Variants in TUSC3 observed in about 807,000 individuals in gnomAD.
TUSC3 encodes the protein tumor suppressor candidate 3, also known as dolichyl-diphosphooligosaccharide--protein glycosyltransferase subunit TUSC3.
Under a neutral mutation model 44.8 loss-of-function variants are expected in TUSC3, and 45 were observed. That is an observed-to-expected ratio of 1.00 (90% CI 0.79 to 1.29). The LOEUF is 1.29. Among genes scored for constraint, TUSC3 ranks in the 50% most tolerant of loss-of-function variants. TUSC3 has a pLI of 0.00. For synonymous variants in TUSC3, 212 were observed against 152.9 expected (o/e 1.39, Z -2.85); for missense variants, 519 against 437.9 (o/e 1.19, Z -1.65).
intron 1 of TUSC3, among the ~76,000 whole-genome samples, chr8:15,422,218 T>G (rs1799746573): frequency 6.6e-6 from 1 of 152,240 alleles, no homozygotes; most frequent in Non-Finnish European, 1.5e-5. Flanking sequence ...CATGTTACTA[T>G]TCTTGTGTGA....
chr8:15,717,508 A>T (rs1810102003), intron 6 of TUSC3, among the ~76,000 whole-genome samples: 1 of 152,078 alleles, frequency 6.6e-6, no homozygotes, highest in Non-Finnish European at 1.5e-5. Flanking sequence ...TCAGATAAAC[A>T]GTTTTGCTTT....
At chr8:15,607,580 G>A (rs1424999266) in intron 1 of TUSC3, among the ~76,000 whole-genome samples, 2 of 152,060 alleles carry the variant, frequency 1.3e-5, no homozygotes, top group Admixed American at 1.3e-4. Context: ...AAAACATAAA[G>A]GTAAGCTGAG....
At chr8:15,534,921 G>C (rs993103778) in intron 2 of TUSC3, among the ~76,000 whole-genome samples, 1 of 152,096 alleles carries the variant, frequency 6.6e-6, no homozygotes, top group African/African-American at 2.4e-5. Flanking sequence ...AAGTATGGCC[G>C]CTGGGATTGG....
At chr8:15,797,242 A>G in the TUSC3 span, among the ~76,000 whole-genome samples, 1 of 152,224 alleles carries the variant, frequency 6.6e-6, no homozygotes, top group Non-Finnish European at 1.5e-5. Flanking sequence ...GGCCCTATGC[A>G]AATTATGATT....
chr8:15,592,406 G>A (rs759839581), intron 1 of TUSC3, among the ~76,000 whole-genome samples: 11 of 152,254 alleles, frequency 7.2e-5, no homozygotes, highest in Non-Finnish European at 1.0e-4. Flanking sequence ...TGTTGGAGGT[G>A]GCACCTGGTG....
At chr8:15,632,228 TAAAC>T (rs771399238) in intron 2 of TUSC3, among the ~76,000 whole-genome samples, 2 of 152,166 alleles carry the variant, frequency 1.3e-5, no homozygotes, top group Non-Finnish European at 2.9e-5. Flanking sequence ...TTTCCACACT[TAAAC>T]AAGAAAGTAT....
intron 2 of TUSC3, among the ~76,000 whole-genome samples, chr8:15,635,259 C>G (rs184430419): frequency 6.6e-6 from 1 of 152,300 alleles, no homozygotes; most frequent in African/African-American, 2.4e-5. Flanking sequence ...AAGAGATGAA[C>G]TCTTTCTTGG....
In TUSC3 at chr8:15,540,319, T is replaced by C. The variant is rs1801635013; in HGVS notation, c.-112T>C. 7.4e-7 allele frequency: 1 copy of C among 1,349,872 alleles called. No homozygotes were observed. The highest frequency in any genetic ancestry group is 9.5e-7 in the Non-Finnish European group (1 of 1,048,760). 83.6% of individuals were successfully genotyped at this position (1,349,872 alleles called of 1,614,324 possible). A position where few individuals can be genotyped will look rare whatever the true frequency, so the allele number is the denominator to read the frequency against. ...CGGGTCCCTCGCAAAGCCGCTGCCA[T>C]CCCGGAGGGCCCAGCCAGCGGGCTC... On this transcript the variant is annotated 5_prime_UTR_variant, in exon 1 of 11. Coordinates refer to ENST00000503731, the MANE Select transcript of TUSC3 (RefSeq NM_006765.4).
intron 2 of TUSC3, among the ~76,000 whole-genome samples, chr8:15,634,178 T>C (rs914098523): frequency 6.6e-6 from 1 of 152,174 alleles, no homozygotes; most frequent in Non-Finnish European, 1.5e-5. Context: ...GGAGTGTATG[T>C]AGTGCCCCTG....
chr8:15,836,499 T>C, the TUSC3 span, among the ~76,000 whole-genome samples: 3 of 151,096 alleles, frequency 2.0e-5, no homozygotes, highest in Non-Finnish European at 2.9e-5. Context: ...AAAATTAATA[T>C]AAGATTGGTA....
At chr8:15,673,678 G>C in intron 5 of TUSC3, 69 bp from the exon 6 acceptor site, 1 of 1,265,496 alleles carries the variant, frequency 7.9e-7, no homozygotes, top group South Asian at 1.2e-5. Context: ...GATGACCATT[G>C]TCTTTTAGAA....
chr8:15,542,303 C>A (rs1228337666), intron 1 of TUSC3, among the ~76,000 whole-genome samples: 1 of 151,950 alleles, frequency 6.6e-6, no homozygotes, highest in Non-Finnish European at 1.5e-5. Context: ...GATGAAGCCT[C>A]CAGGTGGCAG....
chr8:15,721,062 G>C (rs1267906052), intron 6 of TUSC3, among the ~76,000 whole-genome samples: 1 of 151,992 alleles, frequency 6.6e-6, no homozygotes, highest in Non-Finnish European at 1.5e-5. Flanking sequence ...AGAAGACAAT[G>C]ATTCTTACCT....
chr8:15,655,388 G>C (rs1807109784), intron 3 of TUSC3, among the ~76,000 whole-genome samples: 1 of 152,156 alleles, frequency 6.6e-6, no homozygotes, highest in Non-Finnish European at 1.5e-5. Flanking sequence ...CACAACTTCA[G>C]TAAACACACT....
At chr8:15,662,094 T>C in intron 4 of TUSC3, 62 bp from the exon 5 acceptor site, 1 of 1,589,172 alleles carries the variant, frequency 6.3e-7, no homozygotes, top group Non-Finnish European at 8.6e-7. Flanking sequence ...AGGACTAGAA[T>C]ATGATCAAAA....
chr8:15,804,860 T>C, the TUSC3 span, among the ~76,000 whole-genome samples: 2 of 152,348 alleles, frequency 1.3e-5, no homozygotes, highest in African/African-American at 4.8e-5. Flanking sequence ...CTTCTAATTC[T>C]GTGAAGAATG....
chr8:15,465,577 A>C (rs1800403863), intron 1 of TUSC3, among the ~76,000 whole-genome samples: 1 of 152,230 alleles, frequency 6.6e-6, no homozygotes, highest in Non-Finnish European at 1.5e-5. Context: ...AATGTGATCA[A>C]AGTTTTGCTC....
chr8:15,559,581 C>G lies in TUSC3; in HGVS notation c.138+19013C>G, dbSNP rs971788618. Among the ~76,000 whole-genome samples, 15 of 141,006 alleles carry G rather than the reference C, an allele frequency of 1.1e-4. 3 individuals carry two copies. Among genetic ancestry groups the G allele is most frequent in the Non-Finnish European group, 1.6e-4 (10 of 63,828 alleles). 92.5% of individuals were successfully genotyped at this position (141,006 alleles called of 152,430 possible). A position where few individuals can be genotyped will look rare whatever the true frequency, so the allele number is the denominator to read the frequency against. On this transcript the variant is annotated intron_variant, in intron 1 of 10. Transcript: ENST00000503731. Reference sequence around the variant, plus strand: ...CTTGTTGACTTTCTGTCTCGTTGATCTGTCTAATGTTGACGGTGGGGTGCT... The same window carrying G: ...CTTGTTGACTTTCTGTCTCGTTGATGTGTCTAATGTTGACGGTGGGGTGCT...
chr8:15,484,277 C>G (rs760859230), intron 2 of TUSC3, among the ~76,000 whole-genome samples: 1 of 152,214 alleles, frequency 6.6e-6, no homozygotes, highest in Non-Finnish European at 1.5e-5. Context: ...AATGTCCACT[C>G]TGCTCTAGCA....
Sources: gnomAD v4.1 joint callset for allele counts (sites outside exome capture counted in the v4.1 genomes callset) on GRCh38, gnomAD v4.1.1 for gene constraint, MANE v1.5 for transcripts, NCBI Gene and HGNC (gene_info 2026-07-23, HGNC 2026-07-21) for gene names.